Variants in DCC observed in about 807,000 individuals in gnomAD.
DCC encodes DCC netrin 1 receptor.
Under a neutral mutation model 172.5 loss-of-function variants are expected in DCC, and 58 were observed. The ratio of observed to expected loss-of-function variants is 0.34; its 90% CI spans 0.27 to 0.42. DCC has a LOEUF of 0.42. Ranked by LOEUF, DCC falls within the 10% of genes least tolerant of loss-of-function variation. The pLI is 1.00. For missense variants in DCC, 1,740 were observed against 1,791.0 expected, an observed-to-expected ratio of 0.97 and a Z score of 0.51; for synonymous variants, 709 against 644.5, an observed-to-expected ratio of 1.10 and a Z score of -1.52.
intron 15 of DCC, among the ~76,000 whole-genome samples, chr18:53,367,922 A>T (rs548944108): frequency 6.6e-6 from 1 of 152,248 alleles, no homozygotes; most frequent in African/African-American, 2.4e-5. Context: ...ACCTGCTTTT[A>T]AGGTTTGAGA....
chr18:53,076,968 C>T (rs948302404), intron 7 of DCC, among the ~76,000 whole-genome samples: 1 of 152,118 alleles, frequency 6.6e-6, no homozygotes, highest in Non-Finnish European at 1.5e-5. Flanking sequence ...ATTTGTGCAC[C>T]TTTATGCCAC....
intron 7 of DCC, among the ~76,000 whole-genome samples, chr18:53,105,791 A>G (rs1349783667): frequency 1.3e-5 from 2 of 151,722 alleles, no homozygotes; most frequent in Non-Finnish European, 2.9e-5. Flanking sequence ...TTATTTTCTT[A>G]TCAGTCTCTG....
chr18:53,160,057 G>A (rs148510451), intron 8 of DCC, among the ~76,000 whole-genome samples: 1 of 152,188 alleles, frequency 6.6e-6, no homozygotes, highest in East Asian at 1.9e-4. Context: ...AGGAGAAATT[G>A]TTGAAATTGC....
chr18:53,526,462 C>T (rs571066956), intron 27 of DCC, among the ~76,000 whole-genome samples, 155 bp from the exon 28 acceptor site: 2 of 152,278 alleles, frequency 1.3e-5, no homozygotes, highest in South Asian at 2.1e-4. Context: ...AGAAATAAAA[C>T]GAGCCCACTC....
chr18:53,361,229 A>G (rs2057942077), intron 15 of DCC, among the ~76,000 whole-genome samples: 1 of 152,048 alleles, frequency 6.6e-6, no homozygotes, highest in Admixed American at 6.6e-5. Flanking sequence ...CCCTGCTGAC[A>G]CCTCAGTTTT....
intron 1 of DCC, among the ~76,000 whole-genome samples, chr18:52,751,534 A>G (rs1393035472): frequency 6.6e-6 from 1 of 152,104 alleles, no homozygotes; most frequent in African/African-American, 2.4e-5. Flanking sequence ...CTATTTTAAA[A>G]CCCACCTGAG....
At chr18:52,358,894 G>A (rs575136325) in intron 1 of DCC, among the ~76,000 whole-genome samples, 1 of 152,298 alleles carries the variant, frequency 6.6e-6, no homozygotes, top group African/African-American at 2.4e-5. Context: ...TCCAGTGCCT[G>A]AGCATTATTA....
intron 5 of DCC, among the ~76,000 whole-genome samples, chr18:52,942,592 T>C (rs1436699405): frequency 2.0e-5 from 3 of 152,196 alleles, no homozygotes; most frequent in African/African-American, 7.2e-5. Context: ...ACTTCTTACA[T>C]GGCAGTGGCA....
chr18:52,357,904 C>T (rs1984443719), intron 1 of DCC, among the ~76,000 whole-genome samples: 1 of 147,248 alleles, frequency 6.8e-6, no homozygotes, highest in African/African-American at 2.5e-5. Flanking sequence ...CGCCACTGCA[C>T]TCCAGCCTGG....
intron 5 of DCC, among the ~76,000 whole-genome samples, chr18:53,051,122 CAGG>C (rs2042328532): frequency 6.6e-6 from 1 of 152,110 alleles, no homozygotes; most frequent in African/African-American, 2.4e-5. Flanking sequence ...CTCAGCTACT[CAGG>C]AGAGTGACAT....
At chr18:52,852,809 T>G (rs2038996915) in intron 2 of DCC, among the ~76,000 whole-genome samples, 1 of 152,186 alleles carries the variant, frequency 6.6e-6, no homozygotes, top group Non-Finnish European at 1.5e-5. Flanking sequence ...TAGTTGCCAT[T>G]GTTGAAAAAT....
In DCC at chr18:53,066,147, G is replaced by A. The variant is rs2042562653; in HGVS notation, c.1242G>A (p.Gln414=). Residue 414 remains glutamine, a synonymous_variant, in exon 7 of 29, where the codon CAG becomes CAA. Coordinates refer to ENST00000442544, the MANE Select transcript of DCC (RefSeq NM_005215.4). ...NEAGNAQTSA[Q]LIVPKPAIPS... is the part of the protein sequence containing the mutation. ...CTGGAAATGCCCAGACCAGTGCACA[G>A]CTCATTGTCCCTAAGCCTGGTAAGA... is the stretch of plus-strand genomic sequence containing the variant. The A allele has an allele frequency of 3.1e-6, 5 of 1,613,238 alleles. No individual in the cohort carries two copies. The highest frequency in any genetic ancestry group is 4.2e-6 in the Non-Finnish European group (5 of 1,179,472).
intron 1 of DCC, among the ~76,000 whole-genome samples, chr18:52,499,762 T>C (rs2030947388): frequency 6.6e-6 from 1 of 152,168 alleles, no homozygotes; most frequent in Admixed American, 6.6e-5. Context: ...TCCTAGTCCC[T>C]TTTTAATGAC....
At chr18:53,399,575 A>G (rs1320104587) in intron 18 of DCC, among the ~76,000 whole-genome samples, 1 of 152,148 alleles carries the variant, frequency 6.6e-6, no homozygotes, top group Non-Finnish European at 1.5e-5. Flanking sequence ...TGTACTTAAT[A>G]AAGAAATGGA....
intron 1 of DCC, among the ~76,000 whole-genome samples, chr18:52,411,509 C>G (rs535976251): frequency 6.6e-6 from 1 of 152,182 alleles, no homozygotes; most frequent in Non-Finnish European, 1.5e-5. Context: ...AAAATTCTCC[C>G]AGTTACCTGG....
intron 11 of DCC, among the ~76,000 whole-genome samples, chr18:53,208,468 C>G (rs1024878725): frequency 1.3e-5 from 2 of 151,046 alleles, no homozygotes; most frequent in East Asian, 3.9e-4. Context: ...GTTTTATTCC[C>G]CCATCTAAAA....
chr18:53,185,983 C>T (rs2055275936), intron 9 of DCC, among the ~76,000 whole-genome samples: 1 of 152,172 alleles, frequency 6.6e-6, no homozygotes, highest in Admixed American at 6.5e-5. Context: ...AATACATAAG[C>T]ATCTTCCGAA....
chr18:52,767,706 C>T (rs2037275497), intron 2 of DCC, among the ~76,000 whole-genome samples: 2 of 152,110 alleles, frequency 1.3e-5, no homozygotes, highest in Admixed American at 6.6e-5. Flanking sequence ...TGTGTAAATA[C>T]CTGTAGTACA....
At chr18:53,495,146 C>T (rs188867000) in intron 26 of DCC, among the ~76,000 whole-genome samples, 1 of 152,114 alleles carries the variant, frequency 6.6e-6, no homozygotes, top group Admixed American at 6.5e-5. Flanking sequence ...AATCCCAGCA[C>T]TTTGGGAGGC....
Sources: allele counts gnomAD v4.1 joint callset (sites outside exome capture counted in the v4.1 genomes callset), GRCh38; gene constraint gnomAD v4.1.1; transcripts MANE v1.5; gene names NCBI Gene and HGNC (gene_info 2026-07-23, HGNC 2026-07-21).